Variants in SPACA6 observed in about 807,000 individuals in gnomAD.
SPACA6 encodes the protein sperm acrosome associated 6.
For synonymous variants in SPACA6, 6 were observed against 1.5 expected, an observed-to-expected ratio of 4.05 and a Z score of -2.21; for missense variants, 8 against 2.8, an observed-to-expected ratio of 2.88 and a Z score of -1.34.
At chr19:51,705,706 A>AT (rs71335613), downstream of SPACA6, among the ~76,000 whole-genome samples, 16,673 of 150,246 alleles carry the variant, frequency 0.11, 1,163 homozygotes, top group East Asian at 0.2. Flanking sequence ...ATTTTATTTT[A>AT]TTTTTTTGGA....
At chr19:51,710,792 C>G (rs1334950143) in intron 2 of SPACA6, among the ~76,000 whole-genome samples, 1 of 152,170 alleles carries the variant, frequency 6.6e-6, no homozygotes, top group African/African-American at 2.4e-5. Context: ...TTCCTGAAAG[C>G]CAAGTAGCTA....
the SPACA6 span, among the ~76,000 whole-genome samples, chr19:51,683,501 G>T: frequency 6.6e-6 from 1 of 152,164 alleles, no homozygotes; most frequent in East Asian, 1.9e-4. Context: ...CTGGTGAATG[G>T]GTAGGAAGGG....
downstream of SPACA6, chr19:51,713,075 C>G: frequency 4.5e-6 from 1 of 221,618 alleles, no homozygotes; most frequent in Non-Finnish European, 8.7e-6. The surrounding 1 kb of genome is among the most constrained non-coding windows in gnomAD (Gnocchi z 4.5). Flanking sequence ...TCTCAATCAT[C>G]CATTCCCCTT....
chr19:51,685,549 G>A (rs986935152), upstream of SPACA6: 5 of 152,084 alleles, frequency 3.3e-5, no homozygotes, highest in African/African-American at 1.2e-4. Flanking sequence ...TTTTTTGTTT[G>A]TTTTAAGACA....
At chr19:51,692,017 C>A (rs75310023), upstream of SPACA6, among the ~76,000 whole-genome samples, 1 of 152,034 alleles carries the variant, frequency 6.6e-6, no homozygotes, top group Non-Finnish European at 1.5e-5. The surrounding 1 kb of genome is among the most constrained non-coding windows in gnomAD (Gnocchi z 5.6). Flanking sequence ...GACTGGTGCT[C>A]AGGGCCTGGT....
intron 2 of SPACA6, among the ~76,000 whole-genome samples, chr19:51,696,593 G>T (rs573059641): frequency 1.2e-3 from 183 of 151,966 alleles, no homozygotes; most frequent in Non-Finnish European, 2.3e-3. Flanking sequence ...GACTATAGGT[G>T]TGCGCCACCA....
chr19:51,683,245 T>C, the SPACA6 span, among the ~76,000 whole-genome samples: 1 of 152,152 alleles, frequency 6.6e-6, no homozygotes, highest in Non-Finnish European at 1.5e-5. Flanking sequence ...TCACATGGCC[T>C]TCTTCCCAAG....
rs560509026 is a variant in SPACA6, at chr19:51,693,481, C to T, written c.-46C>T. The T allele has an allele frequency of 5.0e-5, 27 of 534,886 alleles. 1 individual carries two copies. The South Asian group carries it at 6.7e-4, about 13-fold the overall frequency. 33.1% of individuals were successfully genotyped at this position (534,886 alleles called of 1,614,324 possible). ...TGGCCCTTCCCCCGCCCTGTGGTGACTTCATAAAGGTTACTAGCTTCTCCC... is the reference window on the plus strand; with the variant it reads ...TGGCCCTTCCCCCGCCCTGTGGTGATTTCATAAAGGTTACTAGCTTCTCCC... On this transcript the variant is annotated 5_prime_UTR_variant, in exon 1 of 9. Transcript: ENST00000637797.
chr19:51,702,823 T>G, intron 4 of SPACA6, 171 bp downstream of exon 4: 1 of 398,362 alleles, frequency 2.5e-6, no homozygotes. Flanking sequence ...TCAGAAGGTG[T>G]GTGTGAGAGC....
chr19:51,691,467 G>A (rs1236943880), upstream of SPACA6, among the ~76,000 whole-genome samples: 2 of 150,492 alleles, frequency 1.3e-5, no homozygotes, highest in Admixed American at 1.3e-4. Context: ...CAAAGAGGGG[G>A]AAGGGGGAGA....
intron 2 of SPACA6, among the ~76,000 whole-genome samples, chr19:51,699,842 C>T (rs545260966): frequency 1.3e-5 from 2 of 152,244 alleles, no homozygotes; most frequent in South Asian, 2.1e-4. Context: ...ACGATTTAGC[C>T]GATAAAACCC....
In SPACA6 at chr19:51,704,129, TCCTGCGTGATCAAGCAAGACCAGCGCCC is replaced by T; in HGVS notation, c.678_705del (p.Cys226TrpfsTer10). The T allele has an allele frequency of 5.0e-6, 2 of 401,132 alleles. No individual in the cohort carries two copies. The highest frequency in any genetic ancestry group is 4.4e-6 in the Non-Finnish European group (1 of 226,176). The allele number at this position is 401,132 out of a possible 1,614,324, so 24.8% of individuals were successfully genotyped here. A position where few individuals can be genotyped will look rare whatever the true frequency, so the allele number is the denominator to read the frequency against. On this transcript the variant is annotated frameshift_variant, in exon 7 of 9. Transcript: ENST00000637797. LOFTEE classifies it high-confidence loss of function. ...TCAGCTCACGCACCGCGGGACGTTC[TCCTGCGTGATCAAGCAAGACCAGCGCCC>T]CCTGGCCCGGCTCTACTTCTTTCTT...
At chr19:51,697,822 G>A (rs1462886703) in intron 2 of SPACA6, among the ~76,000 whole-genome samples, 2 of 152,206 alleles carry the variant, frequency 1.3e-5, no homozygotes, top group African/African-American at 4.8e-5. Context: ...GCGATTAGGT[G>A]TGGAGGCTCT....
At chr19:51,708,275 A>T (rs2083525305), downstream of SPACA6, among the ~76,000 whole-genome samples, 2 of 152,238 alleles carry the variant, frequency 1.3e-5, no homozygotes, top group Admixed American at 1.3e-4. Flanking sequence ...TCACTCCAGA[A>T]AGTACAAGGG....
At chr19:51,710,166 G>A (rs771659573), downstream of SPACA6, among the ~76,000 whole-genome samples, 2 of 152,218 alleles carry the variant, frequency 1.3e-5, no homozygotes, top group Non-Finnish European at 2.9e-5. Flanking sequence ...TATGACAACA[G>A]CATCATAGAG....
chr19:51,702,805 C>T, intron 4 of SPACA6, 153 bp downstream of exon 4: 1 of 398,624 alleles, frequency 2.5e-6, no homozygotes, highest in East Asian at 3.6e-5. Flanking sequence ...AAGTATTGCT[C>T]TAAATCCTCA....
upstream of SPACA6, among the ~76,000 whole-genome samples, chr19:51,691,222 G>C (rs2083369366): frequency 6.6e-6 from 1 of 150,864 alleles, no homozygotes; most frequent in African/African-American, 2.4e-5. Context: ...GAGAAGGGAG[G>C]GAGACCCAAA....
At chr19:51,694,179 GGATGGAGACTCAGAGGGTGGAA>G (rs1238658759) in intron 1 of SPACA6, 1 of 314,684 alleles carries the variant, frequency 3.2e-6, no homozygotes, top group African/African-American at 2.1e-5. Context: ...AGAGAGGGGA[GGATGGAGACTCAGAGGGTGGAA>G]GATGGAGACT....
upstream of SPACA6, among the ~76,000 whole-genome samples, chr19:51,691,731 C>T (rs2083374829): frequency 6.7e-6 from 1 of 148,488 alleles, no homozygotes; most frequent in Admixed American, 6.9e-5. Flanking sequence ...GGAGCAGGGG[C>T]AGCGAGAACC....
Sources: gnomAD v4.1 joint callset for allele counts (sites outside exome capture counted in the v4.1 genomes callset) on GRCh38, gnomAD v4.1.1 for gene constraint, Gnocchi (gnomAD v3.1) non-coding constraint, MANE v1.5 for transcripts, NCBI Gene and HGNC (gene_info 2026-07-23, HGNC 2026-07-21) for gene names.